The following IL2RA variants were observed in gnomAD, a reference collection of about 807,000 sequenced individuals.
The protein encoded by IL2RA is interleukin-2 receptor subunit alpha.
Under a neutral mutation model 37.8 loss-of-function variants are expected in IL2RA, and 24 were observed. The ratio of observed to expected loss-of-function variants is 0.63; its 90% CI spans 0.46 to 0.89. The LOEUF is 0.89. Ranked by LOEUF, IL2RA falls within the 40% of genes least tolerant of loss-of-function variation. The pLI is 0.00. For missense variants in IL2RA, 319 were observed against 348.6 expected, an observed-to-expected ratio of 0.92 and a Z score of 0.68; for synonymous variants, 125 against 114.6, an observed-to-expected ratio of 1.09 and a Z score of -0.58.
At position 6,019,514 on chromosome 10, in the gene IL2RA, TAAAG is replaced by T. The variant is rs749762464; in HGVS notation, c.656-19_656-16del. 5 of 1,593,460 alleles carry T rather than the reference TAAAG, an allele frequency of 3.1e-6. No individual in the cohort carries two copies. Among genetic ancestry groups the T allele is most frequent in the African/African-American group, 1.3e-5 (1 of 74,584 alleles). On this transcript the variant is annotated splice_polypyrimidine_tract_variant and intron_variant, in intron 5 of 7. Coordinates refer to ENST00000379959, the MANE Select transcript of IL2RA (RefSeq NM_000417.3). ...TATTTGAAAATCTGTGAAAAAGAGA[TAAAG>T]AGAGACACTCCTGCTACCGTGACTT... is the stretch of plus-strand genomic sequence containing the variant.
chr10:6,042,035 A>T (rs1839779065), intron 1 of IL2RA, among the ~76,000 whole-genome samples: 2 of 151,710 alleles, frequency 1.3e-5, no homozygotes, highest in South Asian at 4.2e-4. Context: ...GAACATGTAT[A>T]CACTCAACAA....
chr10:6,013,016 G>T, intron 7 of IL2RA, 120 bp from the exon 8 acceptor site: 1 of 959,930 alleles, frequency 1.0e-6, no homozygotes, highest in Non-Finnish European at 1.7e-6. Flanking sequence ...TTTTAGTAGA[G>T]ATGGGGTTTT....
rs961187614 is a variant in IL2RA, at chr10:6,011,106, A to G, written c.*1766T>C. On this transcript the variant is annotated 3_prime_UTR_variant, in exon 8 of 8. Transcript: ENST00000379959. This position sits in a 1 kb window ranked among gnomAD's most constrained non-coding sequence, Gnocchi z 5.2. ...CTGCTGAAAACTGCCGTGATTTCTCATAACACTCTCCTGCCCCTTCAGAAG... is the reference window on the plus strand; with the variant it reads ...CTGCTGAAAACTGCCGTGATTTCTCGTAACACTCTCCTGCCCCTTCAGAAG... 7.2e-5 allele frequency: 11 copies of G among 152,354 alleles called. No individual in the cohort carries two copies. Among genetic ancestry groups the G allele is most frequent in the African/African-American group, 2.7e-4 (11 of 41,436 alleles). The allele number at this position is 152,354 out of a possible 1,614,324, so 9.4% of individuals were successfully genotyped here. A position where few individuals can be genotyped will look rare whatever the true frequency, so the allele number is the denominator to read the frequency against.
chr10:6,056,110 T>C lies in IL2RA; in HGVS notation c.64+5978A>G, dbSNP rs953942690. 8.5e-5 allele frequency among the ~76,000 whole-genome samples: 13 copies of C among 152,174 alleles called. No individual in the cohort carries two copies. The highest frequency in any genetic ancestry group is 1.2e-4 in the African/African-American group (5 of 41,428). On this transcript the variant is annotated intron_variant, in intron 1 of 7. Transcript: ENST00000379959. This position sits in a 1 kb window ranked among gnomAD's most constrained non-coding sequence, Gnocchi z 5.0. Reference sequence around the variant, plus strand: ...ATTTCTAGAGACAATTATATTATTGTTTTCCCCTAAATGAGTGAGTTACTT... The same window carrying C: ...ATTTCTAGAGACAATTATATTATTGCTTTCCCCTAAATGAGTGAGTTACTT...
In IL2RA at chr10:6,022,387, C is replaced by A. The variant is rs141784109; in HGVS notation, c.368-694G>T. Among the ~76,000 whole-genome samples, 2 of 152,314 alleles carry A rather than the reference C, an allele frequency of 1.3e-5. No homozygotes were observed. The highest frequency in any genetic ancestry group is 3.9e-4 in the East Asian group (2 of 5,174). On this transcript the variant is annotated intron_variant, in intron 3 of 7. Transcript: ENST00000379959. The surrounding 1 kb of genome is among the most constrained non-coding windows in gnomAD (Gnocchi z 4.7). ...TCCACTCACCCAACTACATCCCAGG[C>A]CTGACGGACCTGTGGCCTGAGACCA...
chr10:6,025,745 T>A lies in IL2RA; in HGVS notation c.256+89A>T. 1 of 1,242,254 alleles carries A rather than the reference T, an allele frequency of 8.0e-7. No individual in the cohort carries two copies. The highest frequency in any genetic ancestry group is 1.2e-5 in the South Asian group (1 of 82,462). 77.0% of individuals were successfully genotyped at this position (1,242,254 alleles called of 1,614,324 possible). A position where few individuals can be genotyped will look rare whatever the true frequency, so the allele number is the denominator to read the frequency against. ...TGTAGACTGGACTGGCCCATTTGTG[T>A]CTATAGGGCTGAGTGAACAAAAGCT... On this transcript the variant is annotated intron_variant, in intron 2 of 7. Coordinates refer to ENST00000379959, the MANE Select transcript of IL2RA (RefSeq NM_000417.3). The surrounding 1 kb of genome is among the most constrained non-coding windows in gnomAD (Gnocchi z 4.4).
rs541660678 is a variant in IL2RA at position 6,048,138 on chromosome 10, C to T, written c.64+13950G>A. ...GCCCCTGACCCTCAACTGCCCTTGTCATGTGCCCGTCATGCATCACAGGAA... is the reference window on the plus strand; with the variant it reads ...GCCCCTGACCCTCAACTGCCCTTGTTATGTGCCCGTCATGCATCACAGGAA... On this transcript the variant is annotated intron_variant, in intron 1 of 7. Coordinates refer to ENST00000379959, the MANE Select transcript of IL2RA (RefSeq NM_000417.3). This position sits in a 1 kb window ranked among gnomAD's most constrained non-coding sequence, Gnocchi z 5.3. Among the ~76,000 whole-genome samples, 1 of 152,242 alleles carries T rather than the reference C, an allele frequency of 6.6e-6. No homozygotes were observed. The highest frequency in any genetic ancestry group is 1.5e-5 in the Non-Finnish European group (1 of 68,040).
At chr10:6,039,038 G>A (rs932257346) in intron 1 of IL2RA, among the ~76,000 whole-genome samples, 1 of 152,166 alleles carries the variant, frequency 6.6e-6, no homozygotes, top group Non-Finnish European at 1.5e-5. Context: ...CAGAATGTTG[G>A]ACTGCATATA....
At chr10:6,045,473 T>G (rs911905759) in intron 1 of IL2RA, among the ~76,000 whole-genome samples, 1 of 152,108 alleles carries the variant, frequency 6.6e-6, no homozygotes, top group African/African-American at 2.4e-5. Context: ...TGTTGGGCGC[T>G]GGTTATGTTC....
rs1184664348 is a variant in IL2RA, at chr10:6,029,742, T to C, written c.65-3717A>G. 6.6e-6 allele frequency among the ~76,000 whole-genome samples: 1 copy of C among 152,202 alleles called. No homozygotes were observed. Among genetic ancestry groups the C allele is most frequent in the Non-Finnish European group, 1.5e-5 (1 of 68,032 alleles). ...TTTTTTGAGATGGAGTCTTGCTCTG[T>C]TGCCCAGGCTGGAGTGCAGTGGCAC... On this transcript the variant is annotated intron_variant, in intron 1 of 7. Coordinates refer to ENST00000379959, the MANE Select transcript of IL2RA (RefSeq NM_000417.3). This position sits in a 1 kb window ranked among gnomAD's most constrained non-coding sequence, Gnocchi z 4.6.
At chr10:6,038,940 A>C (rs1461607013) in intron 1 of IL2RA, among the ~76,000 whole-genome samples, 1 of 152,250 alleles carries the variant, frequency 6.6e-6, no homozygotes, top group Non-Finnish European at 1.5e-5. Flanking sequence ...AAGAGAAGGT[A>C]AAAAATAAAG....
In IL2RA at chr10:6,014,078, C is replaced by T. The variant is rs970793223; in HGVS notation, c.795-1182G>A. ...AAGCGAGCCTCTCACCTTAGTCTCC[C>T]GAAGTGCAGGAATTACAGGCAGGAG... On this transcript the variant is annotated intron_variant, in intron 7 of 7. Coordinates refer to ENST00000379959, the MANE Select transcript of IL2RA (RefSeq NM_000417.3). This position sits in a 1 kb window ranked among gnomAD's most constrained non-coding sequence, Gnocchi z 4.4. Among the ~76,000 whole-genome samples, 2 of 152,038 alleles carry T rather than the reference C, an allele frequency of 1.3e-5. No individual in the cohort carries two copies. Among genetic ancestry groups the T allele is most frequent in the African/African-American group, 4.8e-5 (2 of 41,394 alleles).
At chr10:6,045,356 G>A (rs1839833653) in intron 1 of IL2RA, among the ~76,000 whole-genome samples, 1 of 152,074 alleles carries the variant, frequency 6.6e-6, no homozygotes, top group Admixed American at 6.5e-5. Context: ...TAGTTATTTT[G>A]TCTTTACTTA....
chr10:6,061,983 C>A, intron 1 of IL2RA, 105 bp downstream of exon 1: 1 of 945,586 alleles, frequency 1.1e-6, no homozygotes, highest in Non-Finnish European at 1.7e-6. Flanking sequence ...AGATTCAACT[C>A]CCTTCTTGGA....
At position 6,036,683 on chromosome 10, in the gene IL2RA, A is replaced by G. The variant is rs975106858; in HGVS notation, c.65-10658T>C. ...CTGTCCCTTTAATTTTTACCACTTC[A>G]TTATTAGAATTGGAGTAGAATGAAA... On this transcript the variant is annotated intron_variant, in intron 1 of 7. Coordinates refer to ENST00000379959, the MANE Select transcript of IL2RA (RefSeq NM_000417.3). This position sits in a 1 kb window ranked among gnomAD's most constrained non-coding sequence, Gnocchi z 6.1. Among the ~76,000 whole-genome samples, 1 of 152,106 alleles carries G rather than the reference A, an allele frequency of 6.6e-6. No individual in the cohort carries two copies. The highest frequency in any genetic ancestry group is 1.5e-5 in the Non-Finnish European group (1 of 68,024).
chr10:6,020,966 CTGAG>C lies in IL2RA; in HGVS notation c.583+508_583+511del, dbSNP rs12722585. The stretch of plus-strand genomic sequence containing the variant: ...GTGTGTGTGTGTGCGCGCATGTGCA[CTGAG>C]TAAGTCCCGACTCTGCACATTTTAT... On this transcript the variant is annotated intron_variant, in intron 4 of 7. Transcript: ENST00000379959. The surrounding 1 kb of genome is among the most constrained non-coding windows in gnomAD (Gnocchi z 5.6). Among the ~76,000 whole-genome samples, 27,642 of 151,844 alleles carry C rather than the reference CTGAG, an allele frequency of 0.18. 2,635 individuals are homozygous for C. Among genetic ancestry groups the C allele is most frequent in the African/African-American group, 0.23 (9,463 of 41,372 alleles).
rs1839590578 is a variant in IL2RA, at chr10:6,031,506, A to ATATG, written c.65-5482_65-5481insCATA. Among the ~76,000 whole-genome samples the ATATG allele has an allele frequency of 3.2e-4, 21 of 65,108 alleles. 1 individual carries two copies. Among genetic ancestry groups the ATATG allele is most frequent in the African/African-American group, 1.2e-3 (20 of 16,492 alleles). The allele number at this position is 65,108 out of a possible 152,430, so 42.7% of individuals were successfully genotyped here. Reference sequence around the variant, plus strand: ...TATATATATATATGTATATATATATATATATGTATATATATGTATATATAT... The same window carrying ATATG: ...TATATATATATATGTATATATATATATATGTATATGTATATATATGTATATATAT... On this transcript the variant is annotated intron_variant, in intron 1 of 7. Coordinates refer to ENST00000379959, the MANE Select transcript of IL2RA (RefSeq NM_000417.3).
chr10:6,035,860 C>T lies in IL2RA; in HGVS notation c.65-9835G>A, dbSNP rs185971245. On this transcript the variant is annotated intron_variant, in intron 1 of 7. Coordinates refer to ENST00000379959, the MANE Select transcript of IL2RA (RefSeq NM_000417.3). This position sits in a 1 kb window ranked among gnomAD's most constrained non-coding sequence, Gnocchi z 5.4. ...GGCAGAATCCCACTTGTTCCTCGTC[C>T]TTTTCCACCTCACCTCCATCATTGT... 1 of 152,394 alleles carries T rather than the reference C, an allele frequency of 6.6e-6. No individual in the cohort carries two copies. The highest frequency in any genetic ancestry group is 2.4e-5 in the African/African-American group (1 of 41,578). The allele number at this position is 152,394 out of a possible 1,614,324, so 9.4% of individuals were successfully genotyped here.
At chr10:6,030,427 G>A (rs749717584) in intron 1 of IL2RA, among the ~76,000 whole-genome samples, 2 of 152,136 alleles carry the variant, frequency 1.3e-5, no homozygotes, top group Admixed American at 6.5e-5. Flanking sequence ...ACAGCGGAAC[G>A]ATGATGAATA....
Sources: gnomAD v4.1 joint callset for allele counts (sites outside exome capture counted in the v4.1 genomes callset) on GRCh38, gnomAD v4.1.1 for gene constraint, Gnocchi (gnomAD v3.1) non-coding constraint, MANE v1.5 for transcripts, NCBI Gene and HGNC (gene_info 2026-07-23, HGNC 2026-07-21) for gene names.